The following ERCC6L2 variants were observed in gnomAD, a reference collection of about 807,000 sequenced individuals.
The protein encoded by ERCC6L2 is ERCC excision repair 6 like 2, also known as DNA excision repair protein ERCC-6-like 2.
Under a neutral mutation model 132.0 loss-of-function variants are expected in ERCC6L2, and 77 were observed. The observed-to-expected ratio is 0.58, with a 90% CI of 0.49 to 0.71. ERCC6L2 has a LOEUF of 0.71. Among genes scored for constraint, ERCC6L2 ranks in the 30% least tolerant of loss-of-function variants. The pLI is 0.00. For synonymous variants in ERCC6L2, 583 were observed against 632.4 expected (o/e 0.92, Z 1.17); for missense variants, 1,542 against 1,837.6 (o/e 0.84, Z 2.94).
intron 11 of ERCC6L2, among the ~76,000 whole-genome samples, chr9:95,929,672 T>A (rs1830252396): frequency 6.6e-6 from 1 of 152,222 alleles, no homozygotes; most frequent in Non-Finnish European, 1.5e-5. Flanking sequence ...TTCCTACCAC[T>A]AAGGCAAATG....
At chr9:96,002,094 G>A (rs1833705433) in intron 17 of ERCC6L2, among the ~76,000 whole-genome samples, 1 of 152,240 alleles carries the variant, frequency 6.6e-6, no homozygotes, top group Non-Finnish European at 1.5e-5. Context: ...TCCCGCGCGT[G>A]CCTCTCCCTC....
chr9:95,970,766 A>G, intron 15 of ERCC6L2, 110 bp downstream of exon 15: 1 of 666,968 alleles, frequency 1.5e-6, no homozygotes, highest in Non-Finnish European at 2.1e-6. Flanking sequence ...AAAAAAATTA[A>G]GAGTCAAGGA....
At position 96,004,511 on chromosome 9, in the gene ERCC6L2, T is replaced by C; in HGVS notation, c.3493-9T>C. The C allele has an allele frequency of 7.7e-7, 1 of 1,292,186 alleles. No homozygotes were observed. Among genetic ancestry groups the C allele is most frequent in the Non-Finnish European group, 1.0e-6 (1 of 983,758 alleles). The allele number at this position is 1,292,186 out of a possible 1,614,324, so 80.0% of individuals were successfully genotyped here. On this transcript the variant is annotated splice_polypyrimidine_tract_variant and intron_variant, in intron 17 of 18. Transcript: ENST00000653738. ...CAGACATAGCTTTTGTTTCCTTTCT[T>C]TTTTTCAGACATATAAAGAAAAAGT... is the stretch of plus-strand genomic sequence containing the variant.
rs116816010 is a variant in ERCC6L2 at position 96,027,655 on chromosome 9, C to T, written c.*1504-11221C>T. On this transcript the variant is annotated intron_variant and NMD_transcript_variant, in intron 19 of 20. Coordinates refer to the ERCC6L2 transcript ENST00000670016. ...GCCCACCCGTCCCCCCGGCGCCACT[C>T]CACATGCACCTTCTCCCGGGGCGCC... 1,093 of 152,608 alleles carry T rather than the reference C, an allele frequency of 7.2e-3. 13 individuals carry two copies. The highest frequency in any genetic ancestry group is 0.025 in the African/African-American group (1,020 of 41,572). The allele number at this position is 152,608 out of a possible 1,614,324, so 9.5% of individuals were successfully genotyped here.
intron 18 of ERCC6L2, among the ~76,000 whole-genome samples, chr9:96,006,627 A>T (rs1055261789): frequency 1.3e-5 from 2 of 152,188 alleles, no homozygotes; most frequent in African/African-American, 4.8e-5. Context: ...TTGTAGGAGA[A>T]AAAGAGATCA....
intron 1 of ERCC6L2, among the ~76,000 whole-genome samples, chr9:95,877,627 C>T (rs1430764771): frequency 1.3e-5 from 2 of 151,768 alleles, no homozygotes; most frequent in Non-Finnish European, 2.9e-5. Flanking sequence ...ACAACATAAG[C>T]GAGACCCTGT....
At chr9:95,941,637 TATG>T (rs1180078813) in intron 12 of ERCC6L2, 88 bp downstream of exon 12, 2 of 944,882 alleles carry the variant, frequency 2.1e-6, no homozygotes, top group Non-Finnish European at 3.3e-6. Flanking sequence ...ATACTATGAC[TATG>T]ATTAGAAGAA....
At chr9:95,963,210 A>G (rs1283876788) in intron 13 of ERCC6L2, among the ~76,000 whole-genome samples, 1 of 151,658 alleles carries the variant, frequency 6.6e-6, no homozygotes, top group Non-Finnish European at 1.5e-5. Context: ...TTGCAGAAGA[A>G]TTGCAAGAAC....
chr9:96,012,100 G>A (rs913149028), intron 18 of ERCC6L2, 125 bp from the exon 19 acceptor site: 2 of 541,184 alleles, frequency 3.7e-6, no homozygotes, highest in Middle Eastern at 8.7e-4. Flanking sequence ...GTGGAATTCA[G>A]CAGACGTATG....
intron 17 of ERCC6L2, among the ~76,000 whole-genome samples, chr9:95,997,352 A>G (rs1014843154): frequency 1.3e-5 from 2 of 152,220 alleles, no homozygotes; most frequent in African/African-American, 4.8e-5. Context: ...GAGAACTAGA[A>G]TTAGAAATGG....
chr9:96,030,657 G>GT (rs1292393394), intron 19 of ERCC6L2, among the ~76,000 whole-genome samples: 17 of 147,352 alleles, frequency 1.2e-4, no homozygotes, highest in African/African-American at 2.0e-4. Flanking sequence ...AGCCGAGATT[G>GT]CGCCACTGCA....
intron 19 of ERCC6L2, among the ~76,000 whole-genome samples, chr9:96,026,612 A>G (rs549274826): frequency 2.0e-5 from 3 of 151,530 alleles, no homozygotes; most frequent in African/African-American, 7.3e-5. Context: ...AACACACTAC[A>G]CACACCACAC....
intron 12 of ERCC6L2, among the ~76,000 whole-genome samples, chr9:95,950,800 T>G (rs759640774): frequency 6.6e-5 from 10 of 152,124 alleles, no homozygotes; most frequent in Non-Finnish European, 1.3e-4. Context: ...ATACATAAAT[T>G]CAACAAACAA....
rs1215633665 is a variant in ERCC6L2 at position 95,991,193 on chromosome 9, C to T, written c.3492+12978C>T. On this transcript the variant is annotated intron_variant, in intron 17 of 18. Coordinates refer to ENST00000653738, the MANE Select transcript of ERCC6L2 (RefSeq NM_020207.7). ...GGAAAAACGGGGTCAGCTGTTTCCA[C>T]GTAGGACCACAGATCTAGGCTGAGC... 2.6e-5 allele frequency among the ~76,000 whole-genome samples: 4 copies of T among 151,968 alleles called. No homozygotes were observed. In the South Asian group the frequency reaches 6.2e-4, roughly 24 times the overall value.
Position 95,974,807 on chromosome 9 carries a change from A to G in ERCC6L2, c.3337+1719A>G, listed in dbSNP as rs190277903. On this transcript the variant is annotated intron_variant, in intron 16 of 18. Transcript: ENST00000653738. ...CGTATATTTGTGATATATATTTTAT[A>G]TATGTATGTACACATATGTGATGAT... Among the ~76,000 whole-genome samples the G allele has an allele frequency of 1.9e-4, 28 of 151,330 alleles. No homozygotes were observed. In the East Asian group the frequency reaches 5.2e-3, roughly 28 times the overall value.
chr9:96,030,268 CAAAT>C (rs1258903155), intron 19 of ERCC6L2, among the ~76,000 whole-genome samples: 1 of 152,090 alleles, frequency 6.6e-6, no homozygotes, highest in Non-Finnish European at 1.5e-5. Context: ...TAGGCGGGGA[CAAAT>C]AAGGCAATAA....
In ERCC6L2 at chr9:95,935,899, T is replaced by C. The variant is rs115414942; in HGVS notation, c.1752-5555T>C. ...GGATTAAGTTAACGATTTGGGGTAC[T>C]ATACTGCAAAAGTAAAATTTTCCAG... On this transcript the variant is annotated intron_variant, in intron 11 of 18. Transcript: ENST00000653738. 3.9e-3 allele frequency among the ~76,000 whole-genome samples: 594 copies of C among 152,314 alleles called. 7 individuals carry two copies. The highest frequency in any genetic ancestry group is 0.014 in the African/African-American group (568 of 41,558).
chr9:96,037,873 A>G (rs977167954), intron 19 of ERCC6L2, among the ~76,000 whole-genome samples: 14 of 151,894 alleles, frequency 9.2e-5, no homozygotes, highest in Non-Finnish European at 1.8e-4. Flanking sequence ...AGAGGTATCA[A>G]CAGGTGTCCA....
chr9:95,994,527 T>C (rs73536545), intron 17 of ERCC6L2, among the ~76,000 whole-genome samples: 1,945 of 152,274 alleles, frequency 0.013, 55 homozygotes, highest in African/African-American at 0.045. Context: ...ATAGATCCAT[T>C]CCACACTTGC....
Sources: gnomAD v4.1 joint callset for allele counts (sites outside exome capture counted in the v4.1 genomes callset) on GRCh38, gnomAD v4.1.1 for gene constraint, MANE v1.5 for transcripts, NCBI Gene and HGNC (gene_info 2026-07-23, HGNC 2026-07-21) for gene names.